The following HPSE2 variants were observed in gnomAD, a reference collection of about 807,000 sequenced individuals.
The protein encoded by HPSE2 is inactive heparanase-2.
A neutral mutation model predicts 60.5 loss-of-function variants in HPSE2; 38 were observed. That is an observed-to-expected ratio of 0.63 (90% CI 0.48 to 0.82). HPSE2 has a LOEUF of 0.82. Among genes scored for constraint, HPSE2 ranks in the 40% least tolerant of loss-of-function variants. The probability of loss-of-function intolerance (pLI) is 0.00; values close to 1 mark genes in which losing one functional copy is unlikely to be tolerated. For missense variants in HPSE2, 713 were observed against 740.4 expected (o/e 0.96, Z 0.43); for synonymous variants, 295 against 293.2 (o/e 1.01, Z -0.06).
At chr10:99,112,791 C>G (rs1184795681) in intron 3 of HPSE2, among the ~76,000 whole-genome samples, 3 of 152,116 alleles carry the variant, frequency 2.0e-5, no homozygotes, top group Non-Finnish European at 4.4e-5. Flanking sequence ...ATGAAACAGA[C>G]AGAACACTAA....
intron 2 of HPSE2, among the ~76,000 whole-genome samples, chr10:99,209,536 A>T (rs969109758): frequency 1.8e-4 from 28 of 152,190 alleles, no homozygotes; most frequent in Non-Finnish European, 4.1e-4. Context: ...GAAAAAAAAG[A>T]TTTTAAATAA....
chr10:98,656,178 C>T (rs575238061), intron 6 of HPSE2, among the ~76,000 whole-genome samples: 32 of 152,196 alleles, frequency 2.1e-4, no homozygotes, highest in African/African-American at 7.5e-4. Context: ...CTGCTACCTC[C>T]CAGGTTTAAG....
chr10:99,104,292 AAAAC>A (rs1343005798), intron 3 of HPSE2, among the ~76,000 whole-genome samples: 39 of 152,328 alleles, frequency 2.6e-4, no homozygotes, highest in African/African-American at 7.5e-4. Context: ...TTACAAGAAA[AAAAC>A]AAACAACCCC....
chr10:99,238,605 TGATTTG>T (rs1415853998), upstream of HPSE2, among the ~76,000 whole-genome samples: 3 of 152,186 alleles, frequency 2.0e-5, no homozygotes, highest in Non-Finnish European at 4.4e-5. Context: ...GTCTCTAAGA[TGATTTG>T]ATTGTTTGGT....
rs1306274763 is a variant in HPSE2 at position 98,641,932 on chromosome 10, A to G, written c.1013T>C (p.Ile338Thr). The change falls in exon 7 of 12, where the codon ATT becomes ACT. Residue 338 changes from isoleucine to threonine, a missense_variant. Ile to Thr is a moderately conservative substitution (Grantham distance 89, BLOSUM62 -1). Coordinates refer to ENST00000370552, the MANE Select transcript of HPSE2 (RefSeq NM_021828.5). ...VDAVTWQHCY[I>T]DGRVVKVMDF... ...CATCACCTTGACCACCCGGCCATCA[A>G]TGTAGCAACTGGAATAAAAATAAAA... 5.0e-6 allele frequency: 8 copies of G among 1,612,648 alleles called. No individual in the cohort carries two copies. Among genetic ancestry groups the G allele is most frequent in the African/African-American group, 1.3e-5 (1 of 75,010 alleles).
chr10:99,080,580 T>C (rs1843100526), intron 3 of HPSE2, among the ~76,000 whole-genome samples: 1 of 152,228 alleles, frequency 6.6e-6, no homozygotes, highest in East Asian at 1.9e-4. Flanking sequence ...TTTGTAAATC[T>C]TAGGGATGCC....
chr10:99,215,725 A>G (rs982463539), intron 2 of HPSE2, among the ~76,000 whole-genome samples: 6 of 152,236 alleles, frequency 3.9e-5, no homozygotes, highest in African/African-American at 9.6e-5. Flanking sequence ...AAGGTAGATT[A>G]GTGGTTGCCT....
intron 3 of HPSE2, among the ~76,000 whole-genome samples, chr10:99,083,941 A>C (rs1283005450): frequency 1.3e-5 from 2 of 151,244 alleles, no homozygotes; most frequent in African/African-American, 4.8e-5. Flanking sequence ...AGGCCCAAAA[A>C]AACCATATGG....
intron 9 of HPSE2, among the ~76,000 whole-genome samples, chr10:98,492,988 C>G (rs1311629323): frequency 6.6e-6 from 1 of 152,318 alleles, no homozygotes; most frequent in East Asian, 1.9e-4. Context: ...TTCATTCCCC[C>G]TCCCCCAATC....
At chr10:99,247,763 G>A in the HPSE2 span, among the ~76,000 whole-genome samples, 2 of 152,154 alleles carry the variant, frequency 1.3e-5, no homozygotes, top group Non-Finnish European at 2.9e-5. Context: ...AATGTTGGAG[G>A]AAGAGCCTGG....
Position 98,555,097 on chromosome 10 carries a change from T to C in HPSE2, c.1320+59807A>G, listed in dbSNP as rs576976430. 1.3e-4 allele frequency among the ~76,000 whole-genome samples: 20 copies of C among 152,378 alleles called. No homozygotes were observed. The South Asian group carries it at 3.9e-3, about 30-fold the overall frequency. ...AACTTCCTATGCCACTAATGGCACA[T>C]AGTCCATGCTTTAGGAGGTACTGGT... On this transcript the variant is annotated intron_variant, in intron 9 of 11. Transcript: ENST00000370552.
intron 11 of HPSE2, among the ~76,000 whole-genome samples, chr10:98,479,044 T>C (rs972056374): frequency 6.6e-6 from 1 of 152,182 alleles, no homozygotes; most frequent in Non-Finnish European, 1.5e-5. Context: ...TGACATACCT[T>C]AGCTCTGAGT....
At chr10:99,191,511 C>T (rs564206626) in intron 2 of HPSE2, among the ~76,000 whole-genome samples, 1 of 152,326 alleles carries the variant, frequency 6.6e-6, no homozygotes, top group South Asian at 2.1e-4. Flanking sequence ...TTACCCAAGA[C>T]TCCCAAGGCA....
chr10:98,794,536 C>A (rs1276789200), intron 3 of HPSE2, among the ~76,000 whole-genome samples: 3 of 152,204 alleles, frequency 2.0e-5, no homozygotes, highest in African/African-American at 7.2e-5. Flanking sequence ...TGAGCCACTG[C>A]ACCTGGCTGC....
At chr10:99,153,486 G>A (rs986660065) in intron 2 of HPSE2, among the ~76,000 whole-genome samples, 2 of 151,904 alleles carry the variant, frequency 1.3e-5, no homozygotes, top group Non-Finnish European at 2.9e-5. Flanking sequence ...CCCCCAGCAG[G>A]GACACACTGA....
At chr10:98,965,008 C>T (rs1430231972) in intron 3 of HPSE2, among the ~76,000 whole-genome samples, 3 of 152,100 alleles carry the variant, frequency 2.0e-5, no homozygotes, top group African/African-American at 4.8e-5. Context: ...TTTCCAATTT[C>T]CAGATAGAGC....
At chr10:98,859,081 A>G (rs1354646411) in intron 3 of HPSE2, among the ~76,000 whole-genome samples, 5 of 152,160 alleles carry the variant, frequency 3.3e-5, no homozygotes, top group African/African-American at 1.2e-4. Context: ...GGTGCGTTTC[A>G]CTGTGCCAAG....
chr10:98,701,732 A>G (rs1012571051), intron 5 of HPSE2, among the ~76,000 whole-genome samples: 1 of 152,158 alleles, frequency 6.6e-6, no homozygotes, highest in Non-Finnish European at 1.5e-5. Context: ...AAGGAGAAAT[A>G]AAATCATTTC....
At chr10:99,152,242 C>A (rs1195394438) in intron 2 of HPSE2, among the ~76,000 whole-genome samples, 1 of 145,610 alleles carries the variant, frequency 6.9e-6, no homozygotes, top group Non-Finnish European at 1.5e-5. Context: ...ACCTGGGAGG[C>A]AGAGCTTGCA....
Sources: allele counts gnomAD v4.1 joint callset (sites outside exome capture counted in the v4.1 genomes callset), GRCh38; gene constraint gnomAD v4.1.1; transcripts MANE v1.5; gene names NCBI Gene and HGNC (gene_info 2026-07-23, HGNC 2026-07-21).